CAMTA1: variants seen among roughly 807,000 people sequenced by gnomAD.
The protein encoded by CAMTA1 is calmodulin-binding transcription activator 1.
Under a neutral mutation model 170.9 loss-of-function variants are expected in CAMTA1, and 27 were observed. The ratio of observed to expected loss-of-function variants is 0.16; its 90% CI spans 0.12 to 0.22. CAMTA1 has a LOEUF of 0.22. CAMTA1 is among the 10% of genes least tolerant of loss of function. The pLI is 1.00. For synonymous variants in CAMTA1, 833 were observed against 891.5 expected (o/e 0.93, Z 1.17); for missense variants, 1,619 against 2,217.2 (o/e 0.73, Z 5.42).
intron 3 of CAMTA1, among the ~76,000 whole-genome samples, chr1:6,977,237 C>T (rs933152542): frequency 3.9e-5 from 6 of 152,024 alleles, no homozygotes; most frequent in South Asian, 2.1e-4. Context: ...CAACAGATGC[C>T]GATGCCCAGC....
intron 9 of CAMTA1, 24 bp from the exon 10 acceptor site, chr1:7,670,887 T>C: frequency 1.2e-6 from 2 of 1,612,550 alleles, no homozygotes; most frequent in Non-Finnish European, 1.7e-6. Context: ...ACTCCAACTC[T>C]GTTCCCCTCT....
intron 7 of CAMTA1, among the ~76,000 whole-genome samples, chr1:7,650,564 C>G (rs4908661): frequency 1.3e-5 from 2 of 152,124 alleles, no homozygotes; most frequent in Admixed American, 1.3e-4. Flanking sequence ...GATGTTGGGA[C>G]GAAGCCCATG....
At chr1:7,405,532 G>C (rs113438399) in intron 5 of CAMTA1, among the ~76,000 whole-genome samples, 2 of 90,310 alleles carry the variant, frequency 2.2e-5, no homozygotes, top group Non-Finnish European at 4.7e-5. Context: ...CACCATGCCT[G>C]GCTAATTTTT....
chr1:7,020,919 C>T (rs1701250490), intron 3 of CAMTA1, among the ~76,000 whole-genome samples: 1 of 152,218 alleles, frequency 6.6e-6, no homozygotes, highest in Non-Finnish European at 1.5e-5. Flanking sequence ...CCAGGCAGCC[C>T]TCACCTGTCC....
intron 6 of CAMTA1, among the ~76,000 whole-genome samples, chr1:7,480,020 T>C (rs1557782229): frequency 1.3e-5 from 2 of 152,066 alleles, no homozygotes; most frequent in Admixed American, 6.5e-5. Flanking sequence ...TGTGTATGAC[T>C]CTGAGTGCAT....
At chr1:6,877,863 A>T (rs1305749606) in intron 3 of CAMTA1, among the ~76,000 whole-genome samples, 1 of 152,162 alleles carries the variant, frequency 6.6e-6, no homozygotes, top group Non-Finnish European at 1.5e-5. Flanking sequence ...CTGGTAGGGG[A>T]AACTACCAAG....
At chr1:7,493,281 A>AAATG (rs543672668) in intron 6 of CAMTA1, among the ~76,000 whole-genome samples, 1 of 40,668 alleles carries the variant, frequency 2.5e-5, no homozygotes, top group Admixed American at 2.2e-4. Context: ...ACAAACATAC[A>AAATG]CGCGCACAAA....
At chr1:7,018,025 C>T (rs895434687) in intron 3 of CAMTA1, among the ~76,000 whole-genome samples, 2 of 151,740 alleles carry the variant, frequency 1.3e-5, no homozygotes, top group Admixed American at 6.6e-5. Flanking sequence ...CACAGTGGTG[C>T]GATCTTGGCT....
intron 6 of CAMTA1, among the ~76,000 whole-genome samples, chr1:7,481,330 C>T (rs1030238131): frequency 2.0e-5 from 3 of 152,244 alleles, no homozygotes; most frequent in African/African-American, 7.2e-5. Context: ...CTTCCTCTCC[C>T]TGCTCACTCT....
At chr1:7,023,711 G>GAATA (rs1557986912) in intron 3 of CAMTA1, among the ~76,000 whole-genome samples, 1 of 152,130 alleles carries the variant, frequency 6.6e-6, no homozygotes, top group African/African-American at 2.4e-5. Context: ...ATAAACAAAA[G>GAATA]AATAGACATA....
intron 3 of CAMTA1, among the ~76,000 whole-genome samples, chr1:6,967,398 T>C (rs1047228730): frequency 1.1e-4 from 16 of 152,024 alleles, no homozygotes; most frequent in African/African-American, 3.4e-4. Flanking sequence ...CTGGAAAACA[T>C]AGAGCCCATG....
rs1705142708 is a variant in CAMTA1, at chr1:7,044,987, GA to G, written c.235-46315del. Among the ~76,000 whole-genome samples the G allele has an allele frequency of 6.6e-6, 1 of 152,138 alleles. No homozygotes were observed. The highest frequency in any genetic ancestry group is 6.5e-5 in the Admixed American group (1 of 15,276). On this transcript the variant is annotated intron_variant, in intron 3 of 22. Transcript: ENST00000303635. This position sits in a 1 kb window ranked among gnomAD's most constrained non-coding sequence, Gnocchi z 5.0. Reference sequence around the variant, plus strand: ...GAAGCAGCCTCTTCATAAACCCAGTGAATAAATCTCTTCAATTGTTGAGACT... The same window carrying G: ...GAAGCAGCCTCTTCATAAACCCAGTGATAAATCTCTTCAATTGTTGAGACT...
At chr1:6,956,570 G>A (rs190590437) in intron 3 of CAMTA1, among the ~76,000 whole-genome samples, 2 of 152,240 alleles carry the variant, frequency 1.3e-5, no homozygotes, top group East Asian at 3.9e-4. Context: ...GGCAACAGCT[G>A]CACAATTAGG....
intron 5 of CAMTA1, among the ~76,000 whole-genome samples, chr1:7,256,300 C>T (rs1286810574): frequency 2.0e-5 from 3 of 151,884 alleles, no homozygotes; most frequent in Non-Finnish European, 4.4e-5. Context: ...TGGCTCATGC[C>T]TGTAATCCCA....
At chr1:7,166,480 C>T (rs1648461081) in intron 4 of CAMTA1, among the ~76,000 whole-genome samples, 1 of 152,218 alleles carries the variant, frequency 6.6e-6, no homozygotes, top group South Asian at 2.1e-4. Context: ...GTCCCAACTA[C>T]AAGTGGAGTG....
intron 5 of CAMTA1, among the ~76,000 whole-genome samples, chr1:7,315,031 G>A (rs1056066231): frequency 1.3e-5 from 2 of 152,244 alleles, no homozygotes; most frequent in Non-Finnish European, 2.9e-5. Context: ...GGATGAGGAT[G>A]TTGAAGGGGT....
At chr1:7,268,200 CTAGAGTT>C (rs1669206116) in intron 5 of CAMTA1, among the ~76,000 whole-genome samples, 1 of 152,038 alleles carries the variant, frequency 6.6e-6, no homozygotes, top group African/African-American at 2.4e-5. Flanking sequence ...GAGGTGACAA[CTAGAGTT>C]TGGGGAGGCT....
At chr1:7,155,606 A>G (rs1395528274) in intron 4 of CAMTA1, among the ~76,000 whole-genome samples, 5 of 150,828 alleles carry the variant, frequency 3.3e-5, no homozygotes, top group African/African-American at 4.9e-5. Flanking sequence ...TTAATTTTTA[A>G]TTTTTTTAGG....
At chr1:7,210,211 C>T (rs1359387619) in intron 4 of CAMTA1, among the ~76,000 whole-genome samples, 11 of 152,320 alleles carry the variant, frequency 7.2e-5, no homozygotes, top group Admixed American at 5.9e-4. Context: ...CAGAATCTCA[C>T]GTTATGTTTA....
Sources: gnomAD v4.1 joint callset for allele counts (sites outside exome capture counted in the v4.1 genomes callset) on GRCh38, gnomAD v4.1.1 for gene constraint, Gnocchi (gnomAD v3.1) non-coding constraint, MANE v1.5 for transcripts, NCBI Gene and HGNC (gene_info 2026-07-23, HGNC 2026-07-21) for gene names.